Variants in ATE1 observed in about 807,000 individuals in gnomAD.
ATE1 encodes arginyl-tRNA--protein transferase 1.
Under a neutral mutation model 70.5 loss-of-function variants are expected in ATE1, and 36 were observed. The ratio of observed to expected loss-of-function variants is 0.51; its 90% CI spans 0.39 to 0.67. The LOEUF is 0.67. Ranked by LOEUF, ATE1 falls within the 30% of genes least tolerant of loss-of-function variation. ATE1 has a pLI of 0.00. For synonymous variants in ATE1, 232 were observed against 219.3 expected (o/e 1.06, Z -0.51); for missense variants, 593 against 629.5 (o/e 0.94, Z 0.62).
intron 8 of ATE1, 107 bp from the exon 9 acceptor site, chr10:121,841,370 C>T: frequency 2.4e-6 from 2 of 830,842 alleles, no homozygotes; most frequent in South Asian, 1.2e-4. Context: ...TAACTTTCCT[C>T]TTTGTTTCCA....
At chr10:121,869,886 G>T in intron 8 of ATE1, 120 bp downstream of exon 8, 1 of 893,710 alleles carries the variant, frequency 1.1e-6, no homozygotes, top group Non-Finnish European at 1.7e-6. Flanking sequence ...TGTTATTGAA[G>T]AATATATGTG....
chr10:121,790,029 TACACAC>T, intron 11 of ATE1, 134 bp downstream of exon 11: 1 of 888,194 alleles, frequency 1.1e-6, no homozygotes, highest in Non-Finnish European at 1.6e-6. Flanking sequence ...TCCTCTATCT[TACACAC>T]ACACACACAC....
intron 11 of ATE1, among the ~76,000 whole-genome samples, chr10:121,745,891 GAAATGTTATACACAACTATT>G: frequency 6.6e-6 from 1 of 152,110 alleles, no homozygotes; most frequent in Non-Finnish European, 1.5e-5. Flanking sequence ...TCCACAGAAT[GAAATGTTATACACAACTATT>G]AAAAAGACAA....
intron 10 of ATE1, among the ~76,000 whole-genome samples, chr10:121,800,883 CT>C (rs1314219383): frequency 1.1e-4 from 17 of 152,312 alleles, no homozygotes; most frequent in African/African-American, 4.1e-4. Flanking sequence ...TAAACCCAGT[CT>C]TTCCCCTGAA....
chr10:121,800,327 G>A lies in ATE1; in HGVS notation c.1258-10038C>T, dbSNP rs534811430. On this transcript the variant is annotated intron_variant, in intron 10 of 11. Coordinates refer to ENST00000224652, the MANE Select transcript of ATE1 (RefSeq NM_001001976.3). ...AGTTAGCATTCTTGGCTTTTAATTG[G>A]AAACATCTGGGGATGGGCTTGGCCG... 2.6e-5 allele frequency among the ~76,000 whole-genome samples: 4 copies of A among 152,236 alleles called. No individual in the cohort carries two copies. In the South Asian group the frequency reaches 8.3e-4, roughly 32 times the overall value.
intron 11 of ATE1, among the ~76,000 whole-genome samples, chr10:121,767,837 G>A (rs1826734112): frequency 6.6e-6 from 1 of 152,070 alleles, no homozygotes; most frequent in Non-Finnish European, 1.5e-5. Context: ...AATCAAAAAT[G>A]GCATTACCAT....
At chr10:121,928,382 C>T (rs1396437406), upstream of ATE1, 1 of 1,532,936 alleles carries the variant, frequency 6.5e-7, no homozygotes, top group Non-Finnish European at 8.8e-7. Flanking sequence ...ATCGCAGTAG[C>T]CGCAGTGGTA....
At chr10:121,747,412 G>A (rs1175135499) in intron 11 of ATE1, among the ~76,000 whole-genome samples, 1 of 152,188 alleles carries the variant, frequency 6.6e-6, no homozygotes, top group Non-Finnish European at 1.5e-5. Context: ...AGAGACTGGA[G>A]CTGGGGGGAT....
intron 11 of ATE1, among the ~76,000 whole-genome samples, chr10:121,777,572 G>T (rs913613195): frequency 1.3e-4 from 20 of 152,320 alleles, no homozygotes; most frequent in African/African-American, 4.8e-4. Context: ...AAATAGTGAT[G>T]CAGGGGGACA....
chr10:121,818,256 CAAAAA>C (rs66792557), intron 10 of ATE1, among the ~76,000 whole-genome samples: 3 of 63,414 alleles, frequency 4.7e-5, no homozygotes, highest in African/African-American at 1.4e-4. Context: ...GACTCCATCT[CAAAAA>C]AAAAAAAAAA....
At chr10:121,769,011 G>GGAAA (rs78949644) in intron 11 of ATE1, among the ~76,000 whole-genome samples, 125,687 of 151,372 alleles carry the variant, frequency 0.83, 52,538 homozygotes, top group Non-Finnish European at 0.89. Context: ...TTCCTATCAA[G>GGAAA]TCTCTGTAAG....
chr10:121,898,073 T>A (rs1950846111), intron 7 of ATE1, among the ~76,000 whole-genome samples: 1 of 152,128 alleles, frequency 6.6e-6, no homozygotes, highest in South Asian at 2.1e-4. Context: ...TTCTTCTGCA[T>A]CTGTTGGCCT....
chr10:121,901,165 G>A (rs1950966755), intron 6 of ATE1, among the ~76,000 whole-genome samples: 1 of 152,064 alleles, frequency 6.6e-6, no homozygotes, highest in East Asian at 1.9e-4. Context: ...TACTCAGAAG[G>A]CTGAGACAGG....
intron 10 of ATE1, among the ~76,000 whole-genome samples, chr10:121,824,831 T>C (rs1947942643): frequency 6.6e-6 from 1 of 152,142 alleles, no homozygotes; most frequent in African/African-American, 2.4e-5. Context: ...CATTTCTATA[T>C]ACTCTAATTT....
chr10:121,885,274 A>G (rs1290481028), intron 7 of ATE1, among the ~76,000 whole-genome samples: 1 of 148,326 alleles, frequency 6.7e-6, no homozygotes, highest in African/African-American at 2.5e-5. Context: ...AAAAAAAAAA[A>G]AAAAAAAAAA....
At chr10:121,756,037 G>A (rs1467905439) in intron 11 of ATE1, among the ~76,000 whole-genome samples, 1 of 152,168 alleles carries the variant, frequency 6.6e-6, no homozygotes, top group African/African-American at 2.4e-5. Context: ...TTCTGCCTAT[G>A]AGCCTGTAGA....
intron 7 of ATE1, among the ~76,000 whole-genome samples, chr10:121,893,747 T>C (rs1008419710): frequency 9.9e-5 from 15 of 152,226 alleles, no homozygotes; most frequent in Admixed American, 9.2e-4. Context: ...TAAAAATATA[T>C]AGTGAAAAAA....
intron 5 of ATE1, among the ~76,000 whole-genome samples, chr10:121,904,702 CA>C (rs11362227): frequency 0.5 from 66,541 of 133,362 alleles, 17,179 homozygotes; most frequent in African/African-American, 0.7. Context: ...TCAAAGTCAG[CA>C]AAAAAAAAAA....
intron 10 of ATE1, among the ~76,000 whole-genome samples, chr10:121,831,183 T>C (rs990257514): frequency 2.6e-5 from 4 of 152,184 alleles, no homozygotes; most frequent in Admixed American, 1.3e-4. Flanking sequence ...TACTAAAACA[T>C]TGGAAAACTC....
Sources: allele counts gnomAD v4.1 joint callset (sites outside exome capture counted in the v4.1 genomes callset), GRCh38; gene constraint gnomAD v4.1.1; transcripts MANE v1.5; gene names NCBI Gene and HGNC (gene_info 2026-07-23, HGNC 2026-07-21).